Variants in DAPK1 observed in about 807,000 individuals in gnomAD.
DAPK1 encodes the protein death associated protein kinase 1, also known as death-associated protein kinase 1.
Under a neutral mutation model 144.9 loss-of-function variants are expected in DAPK1, and 56 were observed. That is an observed-to-expected ratio of 0.39 (90% CI 0.31 to 0.48). The LOEUF is 0.48. Among genes scored for constraint, DAPK1 ranks in the 20% least tolerant of loss-of-function variants. DAPK1 has a pLI of 0.95. For missense variants in DAPK1, 1,454 were observed against 1,875.4 expected (o/e 0.78, Z 4.15); for synonymous variants, 690 against 749.0 (o/e 0.92, Z 1.29).
intron 14 of DAPK1, 21 bp from the exon 15 acceptor site, chr9:87,648,760 C>T (rs1830345686): frequency 1.2e-6 from 2 of 1,605,594 alleles, no homozygotes. Flanking sequence ...CTCTGAATCA[C>T]CGGCTCCTTT....
Position 87,697,137 on chromosome 9 carries a change from C to G in DAPK1, c.2544C>G (p.Ile848Met), listed in dbSNP as rs1201226545. The G allele has an allele frequency of 6.3e-7, 1 of 1,577,110 alleles. No homozygotes were observed. The highest frequency in any genetic ancestry group is 1.1e-5 in the South Asian group (1 of 90,338). ...VVFSLEEPYE[I>M]QLNQVIFWLS... The stretch of plus-strand genomic sequence containing the variant: ...TTAGTCTAGAAGAGCCCTATGAGAT[C>G]CAGCTGAACCAAGTGATTTTCTGGC... The change falls in exon 22 of 26, where the codon ATC becomes ATG. Residue 848 changes from isoleucine (I) to methionine (M), a missense_variant. Around this residue, in one of 2 missense-constraint regions of DAPK1, gnomAD observed 1,025 missense variants for 1,237.9 expected, o/e 0.83. Coordinates refer to ENST00000408954, the MANE Select transcript of DAPK1 (RefSeq NM_004938.4).
intron 20 of DAPK1, 82 bp downstream of exon 20, chr9:87,681,708 G>A (rs775374505): frequency 2.5e-6 from 2 of 786,778 alleles, no homozygotes; most frequent in South Asian, 2.9e-5. Flanking sequence ...GGGGGGAAGG[G>A]AGTTGTGTTT....
At chr9:87,584,059 T>TA (rs1359779262) in intron 2 of DAPK1, among the ~76,000 whole-genome samples, 2 of 152,230 alleles carry the variant, frequency 1.3e-5, no homozygotes, top group Admixed American at 6.5e-5. Context: ...ATTATTTTTT[T>TA]AAATTGACAG....
intron 2 of DAPK1, among the ~76,000 whole-genome samples, chr9:87,516,163 C>G (rs2118170181): frequency 6.6e-6 from 1 of 152,300 alleles, no homozygotes; most frequent in East Asian, 1.9e-4. Context: ...AGCTTCTGCC[C>G]TTCTCCTTGG....
At chr9:87,675,765 C>T (rs1824346885) in intron 19 of DAPK1, among the ~76,000 whole-genome samples, 3 of 150,848 alleles carry the variant, frequency 2.0e-5, no homozygotes, top group Admixed American at 2.0e-4. Context: ...GAGCCTTGGG[C>T]AAGAATACCA....
Position 87,605,112 on chromosome 9 carries a change from C to A in DAPK1, c.221C>A (p.Pro74His), listed in dbSNP as rs1373713115. The change falls in exon 3 of 26, where the codon CCC becomes CAC. Residue 74 changes from proline (P) to histidine (H), a missense_variant. Pro to His is a moderately conservative substitution (Grantham distance 77). This residue lies in a region of DAPK1 where 429 missense variants were observed against 637.5 expected (regional missense o/e 0.67). Coordinates refer to ENST00000408954, the MANE Select transcript of DAPK1 (RefSeq NM_004938.4). ...AGCATCCTGAAGGAGATCCAGCACC[C>A]CAATGTCATCACCCTGCACGAGGTC... ...EVSILKEIQHPNVITLHEVYE... is the reference protein window; with the variant it reads ...EVSILKEIQHHNVITLHEVYE... The A allele has an allele frequency of 4.3e-6, 7 of 1,614,066 alleles. No individual in the cohort carries two copies. Among genetic ancestry groups the A allele is most frequent in the Non-Finnish European group, 5.9e-6 (7 of 1,180,050 alleles).
At chr9:87,571,147 C>T (rs780042003) in intron 2 of DAPK1, among the ~76,000 whole-genome samples, 6 of 152,008 alleles carry the variant, frequency 3.9e-5, no homozygotes, top group Non-Finnish European at 5.9e-5. Flanking sequence ...ATTGTGTATT[C>T]GGTACACACA....
intron 2 of DAPK1, among the ~76,000 whole-genome samples, chr9:87,582,071 A>G (rs2118833123): frequency 6.6e-6 from 1 of 152,296 alleles, no homozygotes; most frequent in African/African-American, 2.4e-5. Context: ...GTTTTTTAAC[A>G]AAGATTGATT....
rs181797727 is a variant in DAPK1 at position 87,613,890 on chromosome 9, T to C, written c.284+8715T>C. On this transcript the variant is annotated intron_variant, in intron 3 of 25. Transcript: ENST00000408954. ...CTCTTTTCTGAGCTCGAGCCAGCTC[T>C]TTTGACTTTTTGAACTTTTGTCTTT... is the stretch of plus-strand genomic sequence containing the variant. Among the ~76,000 whole-genome samples, 1,502 of 152,352 alleles carry C rather than the reference T, an allele frequency of 9.9e-3. 12 individuals are homozygous for C. The highest frequency in any genetic ancestry group is 0.014 in the Non-Finnish European group (962 of 68,034).
At chr9:87,680,943 T>G (rs1019746834) in intron 19 of DAPK1, among the ~76,000 whole-genome samples, 1 of 152,216 alleles carries the variant, frequency 6.6e-6, no homozygotes, top group Non-Finnish European at 1.5e-5. Flanking sequence ...TTTGATGTTA[T>G]GTGAATTTTA....
At chr9:87,578,120 A>G (rs957944355) in intron 2 of DAPK1, among the ~76,000 whole-genome samples, 1 of 152,218 alleles carries the variant, frequency 6.6e-6, no homozygotes, top group Non-Finnish European at 1.5e-5. Context: ...TTTGAAAACA[A>G]CATAGAAAAC....
chr9:87,591,848 A>C (rs1828145305), intron 2 of DAPK1, among the ~76,000 whole-genome samples: 1 of 152,226 alleles, frequency 6.6e-6, no homozygotes, highest in Non-Finnish European at 1.5e-5. Context: ...TCCACCATGA[A>C]GCAATCTCTT....
chr9:87,606,024 C>T lies in DAPK1; in HGVS notation c.284+849C>T, dbSNP rs1054067690. Among the ~76,000 whole-genome samples the T allele has an allele frequency of 4.0e-4, 61 of 152,250 alleles. 1 individual carries two copies. The highest frequency in any genetic ancestry group is 1.5e-5 in the Non-Finnish European group (1 of 68,050). On this transcript the variant is annotated intron_variant, in intron 3 of 25. Transcript: ENST00000408954. ...GAAGATTTGAGGACAAACCAATCCT[C>T]AGTGGCTCGTAGTGATGACAGGCTC...
intron 2 of DAPK1, among the ~76,000 whole-genome samples, chr9:87,566,351 G>C (rs574428748): frequency 6.6e-6 from 1 of 152,178 alleles, no homozygotes; most frequent in South Asian, 2.1e-4. Context: ...TCTTGGAACT[G>C]CATCTCAGCT....
chr9:87,544,300 GA>G (rs1253667513), intron 2 of DAPK1, among the ~76,000 whole-genome samples: 3 of 152,130 alleles, frequency 2.0e-5, no homozygotes, highest in Admixed American at 2.0e-4. Context: ...AGAAACATGA[GA>G]AAAATCACCC....
At chr9:87,625,936 A>C (rs1317001372) in intron 3 of DAPK1, among the ~76,000 whole-genome samples, 1 of 152,214 alleles carries the variant, frequency 6.6e-6, no homozygotes, top group African/African-American at 2.4e-5. Flanking sequence ...CCCATCAGTC[A>C]ATTAAAGTTA....
chr9:87,540,698 A>G (rs1362042276), intron 2 of DAPK1, among the ~76,000 whole-genome samples: 1 of 152,190 alleles, frequency 6.6e-6, no homozygotes, highest in East Asian at 1.9e-4. Context: ...GCCAAGATAA[A>G]TAATTATAAC....
At position 87,650,057 on chromosome 9, in the gene DAPK1, G is replaced by A. The variant is rs746514916; in HGVS notation, c.1565G>A (p.Gly522Asp). The A allele has an allele frequency of 1.2e-6, 2 of 1,614,124 alleles. No homozygotes were observed. The highest frequency in any genetic ancestry group is 2.7e-5 in the African/African-American group (2 of 75,040). ...ETPLLTASAR[G>D]YHDIVECLAE... is the part of the protein sequence containing the mutation. ...CCCCTCCTGACAGCCTCTGCCAGGGGCTACCACGACATCGTGGAGTGTCTG... is the reference window on the plus strand; with the variant it reads ...CCCCTCCTGACAGCCTCTGCCAGGGACTACCACGACATCGTGGAGTGTCTG... Residue 522 changes from glycine to aspartate, a missense_variant, in exon 16 of 26, where the codon GGC becomes GAC. This residue lies in a region of DAPK1 where 1,025 missense variants were observed against 1,237.9 expected (regional missense o/e 0.83). Coordinates refer to ENST00000408954, the MANE Select transcript of DAPK1 (RefSeq NM_004938.4).
At chr9:87,515,920 C>T (rs779264675) in intron 2 of DAPK1, among the ~76,000 whole-genome samples, 1 of 152,156 alleles carries the variant, frequency 6.6e-6, no homozygotes, top group Non-Finnish European at 1.5e-5. Context: ...ACCAGCCTCC[C>T]CCCATTTCCC....
Sources: gnomAD v4.1 joint callset for allele counts (sites outside exome capture counted in the v4.1 genomes callset) on GRCh38, gnomAD v4.1.1 for gene constraint, gnomAD v4.1.1 regional missense constraint, MANE v1.5 for transcripts, NCBI Gene and HGNC (gene_info 2026-07-23, HGNC 2026-07-21) for gene names.